Variants in HACL1 observed in about 807,000 individuals in gnomAD.
The protein encoded by HACL1 is 2-hydroxyacyl-CoA lyase 1.
A neutral mutation model predicts 74.2 loss-of-function variants in HACL1; 64 were observed. The observed-to-expected ratio is 0.86, with a 90% confidence interval of 0.70 to 1.06. The LOEUF (loss-of-function observed/expected upper bound fraction) is 1.06, where lower values mean the gene tolerates loss of function less well. Ranked by LOEUF, HACL1 falls within the 50% of genes least tolerant of loss-of-function variation. HACL1 has a pLI of 0.00. For missense variants in HACL1, 728 were observed against 719.7 expected, an observed-to-expected ratio of 1.01 and a Z score of -0.13; for synonymous variants, 230 against 238.8, an observed-to-expected ratio of 0.96 and a Z score of 0.34.
At chr3:15,600,321 A>C (rs1028997093) in intron 2 of HACL1, among the ~76,000 whole-genome samples, 1 of 152,184 alleles carries the variant, frequency 6.6e-6, no homozygotes, top group African/African-American at 2.4e-5. Flanking sequence ...CAACGGTGGG[A>C]GTGTAAAGCA....
chr3:15,566,797 T>A (rs2063441548), intron 14 of HACL1, among the ~76,000 whole-genome samples: 1 of 150,620 alleles, frequency 6.6e-6, no homozygotes, highest in South Asian at 2.1e-4. Flanking sequence ...GAGAGGAGAC[T>A]GAGGCTTGGT....
chr3:15,581,759 T>G (rs2063718865), intron 8 of HACL1, among the ~76,000 whole-genome samples: 1 of 152,212 alleles, frequency 6.6e-6, no homozygotes, highest in Admixed American at 6.5e-5. Flanking sequence ...CGCACTTACT[T>G]GTTACCAGGT....
At chr3:15,590,234 G>C (rs1574938077) in intron 4 of HACL1, among the ~76,000 whole-genome samples, 1 of 151,796 alleles carries the variant, frequency 6.6e-6, no homozygotes, top group East Asian at 1.9e-4. Context: ...TTATTCTTGG[G>C]ATAAGGGGAA....
chr3:15,576,772 T>C (rs1487087314), intron 9 of HACL1, among the ~76,000 whole-genome samples: 5 of 152,224 alleles, frequency 3.3e-5, no homozygotes, highest in African/African-American at 1.2e-4. Flanking sequence ...ACAGGATCTG[T>C]ATCTACTGCT....
chr3:15,584,681 G>A (rs2063764900), intron 7 of HACL1, among the ~76,000 whole-genome samples: 1 of 152,162 alleles, frequency 6.6e-6, no homozygotes, highest in Non-Finnish European at 1.5e-5. Flanking sequence ...GTCCACAACA[G>A]CAGAAACGCA....
intron 7 of HACL1, among the ~76,000 whole-genome samples, chr3:15,583,731 C>T (rs912041936): frequency 3.3e-5 from 5 of 151,128 alleles, no homozygotes; most frequent in African/African-American, 1.2e-4. Context: ...GAACTTGGCT[C>T]ACTGCAACCT....
In HACL1 at chr3:15,573,156, C is replaced by T. The variant is rs769519731; in HGVS notation, c.993+3G>A. ...CCACATAAACTAAAACAAAAGTTCT[C>T]ACCTGCTTAGTGACAGCATGTATGT... is the stretch of plus-strand genomic sequence containing the variant. On this transcript the variant is annotated splice_donor_region_variant and intron_variant, in intron 11 of 16. Coordinates refer to ENST00000321169, the MANE Select transcript of HACL1 (RefSeq NM_012260.4). 15 of 1,560,752 alleles carry T rather than the reference C, an allele frequency of 9.6e-6. No homozygotes were observed. The highest frequency in any genetic ancestry group is 1.3e-5 in the Non-Finnish European group (15 of 1,131,768).
At chr3:15,593,912 C>T (rs1054618722) in intron 3 of HACL1, among the ~76,000 whole-genome samples, 1 of 151,840 alleles carries the variant, frequency 6.6e-6, no homozygotes, top group Non-Finnish European at 1.5e-5. Context: ...ATTCTCCTGC[C>T]TCAGCCTCCC....
At chr3:15,573,343 T>G (rs2063570269) in intron 10 of HACL1, 101 bp from the exon 11 acceptor site, 1 of 674,886 alleles carries the variant, frequency 1.5e-6, no homozygotes, top group African/African-American at 1.8e-5. Context: ...ATAGAACACA[T>G]GATAAAGAAG....
chr3:15,560,960 T>C, intron 16 of HACL1, 63 bp from the exon 17 acceptor site: 1 of 1,196,776 alleles, frequency 8.4e-7, no homozygotes, highest in South Asian at 1.2e-5. Context: ...TATATCCTCA[T>C]TGTTTCACTT....
chr3:15,571,811 T>C, intron 11 of HACL1, 42 bp from the exon 12 acceptor site: 2 of 657,670 alleles, frequency 3.0e-6, no homozygotes, highest in East Asian at 3.3e-5. Flanking sequence ...ACATAAACTT[T>C]TTCTTTGCCT....
intron 16 of HACL1, among the ~76,000 whole-genome samples, chr3:15,561,223 A>C (rs1417338059): frequency 6.6e-6 from 1 of 152,254 alleles, no homozygotes; most frequent in East Asian, 1.9e-4. Context: ...CTGAGCTCCC[A>C]GGTCTGAGGA....
Position 15,601,188 on chromosome 3 carries a change from C to G in HACL1, c.88G>C (p.Glu30Gln), listed in dbSNP as rs1277227419. ...ATGCCTACGATGCCAAATATGTACTCCACATCCTGAGGAACGAAGAACAGG... is the reference window on the plus strand; with the variant it reads ...ATGCCTACGATGCCAAATATGTACTGCACATCCTGAGGAACGAAGAACAGG... ...IAQALKTQDV[E>Q]YIFGIVGIPV... Residue 30 changes from glutamate (E) to glutamine (Q), a missense_variant, in exon 2 of 17, where the codon GAG becomes CAG. By Grantham distance (29) the Glu-to-Gln change is conservative. Transcript: ENST00000321169. 3 of 1,611,088 alleles carry G rather than the reference C, an allele frequency of 1.9e-6. No homozygotes were observed. The highest frequency in any genetic ancestry group is 2.7e-5 in the African/African-American group (2 of 74,862).
At chr3:15,567,726 G>T in intron 14 of HACL1, 118 bp downstream of exon 14, 1 of 890,796 alleles carries the variant, frequency 1.1e-6, no homozygotes, top group Non-Finnish European at 1.8e-6. Context: ...ACAGAACACA[G>T]TGCTGTGCAC....
chr3:15,570,641 C>T (rs2063512325), intron 12 of HACL1, among the ~76,000 whole-genome samples: 1 of 150,720 alleles, frequency 6.6e-6, no homozygotes, highest in Non-Finnish European at 1.5e-5. Context: ...CATGCACACA[C>T]ACACACACAC....
chr3:15,586,686 T>C (rs1395598278), intron 5 of HACL1, 84 bp from the exon 6 acceptor site: 6 of 806,786 alleles, frequency 7.4e-6, no homozygotes, highest in Non-Finnish European at 1.3e-5. Flanking sequence ...AAGTCATTAA[T>C]TTCTTTTATG....
At chr3:15,590,783 TAA>T (rs2063877327) in intron 4 of HACL1, among the ~76,000 whole-genome samples, 1 of 152,158 alleles carries the variant, frequency 6.6e-6, no homozygotes, top group Non-Finnish European at 1.5e-5. Flanking sequence ...TCTAAAATGT[TAA>T]AAGTGTTTAT....
chr3:15,594,548 G>A (rs1027376775), intron 3 of HACL1, among the ~76,000 whole-genome samples: 3 of 152,130 alleles, frequency 2.0e-5, no homozygotes, highest in African/African-American at 7.2e-5. Context: ...GTTTAAGACA[G>A]ACTTGAAAAT....
intron 6 of HACL1, 104 bp downstream of exon 6, chr3:15,586,421 A>G: frequency 1.5e-6 from 1 of 664,846 alleles, no homozygotes; most frequent in Non-Finnish European, 2.7e-6. Flanking sequence ...CTGCCTGGGT[A>G]TGTTCCTAAT....
Sources: gnomAD v4.1 joint callset for allele counts (sites outside exome capture counted in the v4.1 genomes callset) on GRCh38, gnomAD v4.1.1 for gene constraint, MANE v1.5 for transcripts, NCBI Gene and HGNC (gene_info 2026-07-23, HGNC 2026-07-21) for gene names.